Variants in ARPC1B observed in about 807,000 individuals in gnomAD.
ARPC1B encodes actin related protein 2/3 complex subunit 1B.
In ARPC1B, 29 loss-of-function variants were observed where a neutral mutation model predicts 46.0. That is an observed-to-expected ratio of 0.63 (90% CI 0.47 to 0.86). ARPC1B has a LOEUF of 0.86. Among genes scored for constraint, ARPC1B ranks in the 40% least tolerant of loss-of-function variants. The pLI is 0.00. For missense variants in ARPC1B, 469 were observed against 529.4 expected (o/e 0.89, Z 1.12); for synonymous variants, 201 against 213.9 (o/e 0.94, Z 0.53).
intron 9 of ARPC1B, 131 bp from the exon 10 acceptor site, chr7:99,394,320 G>A: frequency 4.6e-6 from 5 of 1,086,438 alleles, no homozygotes; most frequent in Non-Finnish European, 7.0e-6. Context: ...TTCCAACCCA[G>A]CTGACAGACT....
chr7:99,390,690 C>T (rs923162903), intron 5 of ARPC1B, among the ~76,000 whole-genome samples: 3 of 151,814 alleles, frequency 2.0e-5, no homozygotes, highest in South Asian at 2.1e-4. Context: ...ACCTGTTAAC[C>T]CTTTAAAAAA....
At chr7:99,375,240 G>C (rs534600450) in intron 1 of ARPC1B, among the ~76,000 whole-genome samples, 131 of 152,272 alleles carry the variant, frequency 8.6e-4, no homozygotes, top group African/African-American at 3.0e-3. Context: ...GGCCGGCGGG[G>C]CCCCACACCC....
chr7:99,390,128 G>A lies in ARPC1B; in HGVS notation c.500+116G>A. 5 of 880,804 alleles carry A rather than the reference G, an allele frequency of 5.7e-6. No individual in the cohort carries two copies. The South Asian group carries it at 7.7e-5, about 14-fold the overall frequency. 54.6% of individuals were successfully genotyped at this position (880,804 alleles called of 1,614,324 possible). ...CAGCTTCTAGACACATTCCAGACCTGCTACCAGTGGATGACCTGGGCGTCG... is the reference window on the plus strand; with the variant it reads ...CAGCTTCTAGACACATTCCAGACCTACTACCAGTGGATGACCTGGGCGTCG... On this transcript the variant is annotated intron_variant, in intron 5 of 9. Transcript: ENST00000646101.
intron 3 of ARPC1B, among the ~76,000 whole-genome samples, chr7:99,387,444 A>G (rs1252087843): frequency 1.3e-5 from 2 of 151,622 alleles, no homozygotes; most frequent in Non-Finnish European, 2.9e-5. Flanking sequence ...AATAAAAACA[A>G]AGAAAGAAAG....
At chr7:99,381,813 C>T (rs547414752) in intron 1 of ARPC1B, among the ~76,000 whole-genome samples, 1 of 152,338 alleles carries the variant, frequency 6.6e-6, no homozygotes, top group Middle Eastern at 3.4e-3. Context: ...GGTCGTTCTG[C>T]CTTTCCCTTG....
chr7:99,386,639 G>A (rs112323861), intron 2 of ARPC1B, 46 bp from the exon 3 acceptor site: 7 of 1,386,592 alleles, frequency 5.0e-6, no homozygotes, highest in African/African-American at 1.4e-5. Flanking sequence ...CTGGCAGAGG[G>A]CAGTCATGGA....
At chr7:99,376,962 G>A (rs930323416) in intron 1 of ARPC1B, among the ~76,000 whole-genome samples, 2 of 151,882 alleles carry the variant, frequency 1.3e-5, no homozygotes, top group African/African-American at 2.4e-5. Context: ...CCTGATAGAT[G>A]CCGGTAAAGT....
At chr7:99,386,558 C>T (rs781735359) in intron 2 of ARPC1B, 127 bp from the exon 3 acceptor site, 42 of 848,604 alleles carry the variant, frequency 4.9e-5, no homozygotes, top group Non-Finnish European at 4.1e-6. Flanking sequence ...GGGGCCCCTG[C>T]AAGGCAGAAG....
At chr7:99,380,948 C>G (rs1794198914) in intron 1 of ARPC1B, among the ~76,000 whole-genome samples, 1 of 152,322 alleles carries the variant, frequency 6.6e-6, no homozygotes, top group South Asian at 2.1e-4. Flanking sequence ...CCCTGCCCTG[C>G]TGGTGACCTT....
At chr7:99,388,403 T>G in intron 4 of ARPC1B, 142 bp downstream of exon 4, 6 of 800,064 alleles carry the variant, frequency 7.5e-6, no homozygotes, top group Non-Finnish European at 1.2e-5. Flanking sequence ...TGGGCCTCAT[T>G]CATGAGGCAA....
chr7:99,380,147 AGCACACGCTGGCTCAC>A (rs1794166143), intron 1 of ARPC1B, among the ~76,000 whole-genome samples: 1 of 152,110 alleles, frequency 6.6e-6, no homozygotes, highest in African/African-American at 2.4e-5. Context: ...GGCGGGGGTG[AGCACACGCTGGCTCAC>A]GCAGGCTTGG....
Position 99,388,253 on chromosome 7 carries a change from G to C in ARPC1B, c.384G>C (p.Glu128Asp), listed in dbSNP as rs541744801. Residue 128 changes from glutamate to aspartate, a missense_variant, in exon 4 of 10, where the codon GAG (glutamate) becomes GAC (aspartate). By Grantham distance (45) the Glu-to-Asp change is conservative. Coordinates refer to ENST00000646101, the MANE Select transcript of ARPC1B (RefSeq NM_005720.4). The part of the protein sequence containing the change: ...RVISICYFEQ[E>D]NDWWVCKHIK... ...TCTCCATCTGTTATTTCGAGCAGGA[G>C]AATGACTGGTGGGTACCTAGGCAGG... 1 of 1,614,026 alleles carries C rather than the reference G, an allele frequency of 6.2e-7. No individual in the cohort carries two copies. Among genetic ancestry groups the C allele is most frequent in the African/African-American group, 1.3e-5 (1 of 75,056 alleles).
At position 99,392,748 on chromosome 7, in the gene ARPC1B, T is replaced by A. The variant is rs985741066; in HGVS notation, c.861T>A (p.Val287=). ...TGAGCTTCGGCGGGCGGCTGGACGTTCCTAAGCAGAGCTCGCAGCGTGGCT... is the reference window on the plus strand; with the variant it reads ...TGAGCTTCGGCGGGCGGCTGGACGTACCTAAGCAGAGCTCGCAGCGTGGCT... ...GMLSFGGRLD[V]PKQSSQRGLT... The change falls in exon 8 of 10, where the codon GTT becomes GTA. Residue 287 remains valine (V), a synonymous_variant. Coordinates refer to ENST00000646101, the MANE Select transcript of ARPC1B (RefSeq NM_005720.4). The A allele has an allele frequency of 6.5e-7, 1 of 1,549,532 alleles. No individual in the cohort carries two copies. Among genetic ancestry groups the A allele is most frequent in the Non-Finnish European group, 8.7e-7 (1 of 1,146,504 alleles).
intron 1 of ARPC1B, among the ~76,000 whole-genome samples, chr7:99,382,058 G>T (rs1302702360): frequency 6.6e-6 from 1 of 152,224 alleles, no homozygotes; most frequent in African/African-American, 2.4e-5. Flanking sequence ...ATCTGGAGCT[G>T]ACCTGGAGCC....
At chr7:99,387,221 C>T (rs943850957) in intron 3 of ARPC1B, among the ~76,000 whole-genome samples, 8 of 152,190 alleles carry the variant, frequency 5.3e-5, no homozygotes, top group East Asian at 1.9e-4. Context: ...GCGAGTGGAT[C>T]GCTTGAGGTC....
At chr7:99,388,534 G>A (rs141360639) in intron 4 of ARPC1B, 10 of 445,306 alleles carry the variant, frequency 2.2e-5, no homozygotes, top group Non-Finnish European at 3.7e-5. Context: ...CTGCAGCTCC[G>A]TGGACTGGGC....
chr7:99,384,993 TCTCA>T, intron 1 of ARPC1B, among the ~76,000 whole-genome samples: 1 of 119,504 alleles, frequency 8.4e-6, no homozygotes, highest in African/African-American at 3.5e-5. Flanking sequence ...TGAGACGGAG[TCTCA>T]CTCTGTCGCC....
rs1323402944 is a variant in ARPC1B at position 99,390,906 on chromosome 7, T to C, written c.514T>C (p.Tyr172His). 6.2e-7 allele frequency: 1 copy of C among 1,607,820 alleles called. No homozygotes were observed. Among genetic ancestry groups the C allele is most frequent in the Admixed American group, 1.7e-5 (1 of 59,844 alleles). ...CTATCCCGGTAGGATCTTTTCAGCC[T>C]ACATCAAGGAGGTGGAGGAACGGCC... ...CDFKCRIFSAYIKEVEERPAP... is the reference protein window; with the variant it reads ...CDFKCRIFSAHIKEVEERPAP... The change falls in exon 6 of 10, where the codon TAC becomes CAC. Residue 172 changes from tyrosine to histidine, a missense_variant. Coordinates refer to ENST00000646101, the MANE Select transcript of ARPC1B (RefSeq NM_005720.4).
Position 99,386,756 on chromosome 7 carries a change from C to T in ARPC1B, c.136C>T (p.His46Tyr), listed in dbSNP as rs1183956121. Residue 46 changes from histidine to tyrosine, a missense_variant, in exon 3 of 10, where the codon CAC (histidine) becomes TAC (tyrosine). His to Tyr is a moderately conservative substitution (Grantham distance 83, BLOSUM62 2). Coordinates refer to ENST00000646101, the MANE Select transcript of ARPC1B (RefSeq NM_005720.4). ...GAGCGGTGCCAAATGGACCAAGGTGCACGAGCTCAAGGAGCACAACGGGCA... is the reference window on the plus strand; with the variant it reads ...GAGCGGTGCCAAATGGACCAAGGTGTACGAGCTCAAGGAGCACAACGGGCA... ...EKSGAKWTKV[H>Y]ELKEHNGQVT... is the part of the protein sequence containing the mutation. 6.2e-7 allele frequency: 1 copy of T among 1,614,014 alleles called. No homozygotes were observed. Among genetic ancestry groups the T allele is most frequent in the Admixed American group, 1.7e-5 (1 of 60,022 alleles).
Sources: allele counts gnomAD v4.1 joint callset (sites outside exome capture counted in the v4.1 genomes callset), GRCh38; gene constraint gnomAD v4.1.1; transcripts MANE v1.5; gene names NCBI Gene and HGNC (gene_info 2026-07-23, HGNC 2026-07-21).